Variants in PHF21B observed in about 807,000 individuals in gnomAD.
PHF21B encodes PHD finger protein 21B, also known as PHD finger protein 4.
PHF21B carries 22 observed loss-of-function variants against 62.2 expected under a neutral mutation model. The ratio of observed to expected loss-of-function variants is 0.35; its 90% CI spans 0.25 to 0.51. The LOEUF (loss-of-function observed/expected upper bound fraction) is 0.51. PHF21B is among the 20% of genes least tolerant of loss of function. The pLI is 0.97. For missense variants in PHF21B, 701 were observed against 707.9 expected (o/e 0.99, Z 0.11); for synonymous variants, 341 against 314.7 (o/e 1.08, Z -0.88).
Position 45,008,520 on chromosome 22 carries a change from G to C in PHF21B, c.120+25C>G, listed in dbSNP as rs374235929. 12 of 1,540,992 alleles carry C rather than the reference G, an allele frequency of 7.8e-6. No individual in the cohort carries two copies. In the Admixed American group the frequency reaches 9.8e-5, roughly 13 times the overall value. ...CAGCCACCCTCCCGCCCCATCCCAG[G>C]GGGGGCCGCGATCCCATCGCTTACT... On this transcript the variant is annotated intron_variant, in intron 2 of 12. Transcript: ENST00000313237.
In PHF21B at chr22:44,976,191, A is replaced by T. The variant is rs1460528512; in HGVS notation, c.120+32354T>A. Among the ~76,000 whole-genome samples, 6 of 152,222 alleles carry T rather than the reference A, an allele frequency of 3.9e-5. No homozygotes were observed. In the East Asian group the frequency reaches 9.6e-4, roughly 24 times the overall value. ...GTCTCAAGAAAACATTTTGTTTTTA[A>T]TTGACACATAACTACATATTCATGG... is the stretch of plus-strand genomic sequence containing the variant. On this transcript the variant is annotated intron_variant, in intron 2 of 12. Coordinates refer to ENST00000313237, the MANE Select transcript of PHF21B (RefSeq NM_138415.5).
intron 2 of PHF21B, among the ~76,000 whole-genome samples, chr22:44,952,251 G>A (rs1038617754): frequency 1.3e-5 from 2 of 152,218 alleles, no homozygotes; most frequent in Admixed American, 6.5e-5. Context: ...GCTGAGGCAG[G>A]AGAATCGCTT....
chr22:45,001,022 A>T (rs2147528881), intron 2 of PHF21B: 2 of 152,348 alleles, frequency 1.3e-5, no homozygotes, highest in East Asian at 3.9e-4. Context: ...AAGGTTGCTC[A>T]GCCAAGACAC....
intron 2 of PHF21B, among the ~76,000 whole-genome samples, chr22:44,964,757 T>C (rs1022858121): frequency 6.6e-6 from 1 of 152,184 alleles, no homozygotes; most frequent in Non-Finnish European, 1.5e-5. Context: ...TAAAAGCCTC[T>C]TTTTTTCCAT....
chr22:44,948,800 C>T (rs1039126279), intron 2 of PHF21B, among the ~76,000 whole-genome samples: 13 of 152,172 alleles, frequency 8.5e-5, no homozygotes, highest in African/African-American at 3.1e-4. Context: ...GGATATTCCA[C>T]TTTGACTTTT....
chr22:45,009,736 G>C lies in PHF21B; in HGVS notation c.-187C>G. Reference sequence around the variant, plus strand: ...CGAAGGGGAAGACAGGCTTCCGGGCGCCGCGGCGCCGAGCCCTCGGCTGCC... The same window carrying C: ...CGAAGGGGAAGACAGGCTTCCGGGCCCCGCGGCGCCGAGCCCTCGGCTGCC... On this transcript the variant is annotated 5_prime_UTR_variant, in exon 1 of 13. Coordinates refer to ENST00000313237, the MANE Select transcript of PHF21B (RefSeq NM_138415.5). This position sits in a 1 kb window ranked among gnomAD's most constrained non-coding sequence, Gnocchi z 5.9. 1 of 490,086 alleles carries C rather than the reference G, an allele frequency of 2.0e-6. No homozygotes were observed. Among genetic ancestry groups the C allele is most frequent in the South Asian group, 3.1e-5 (1 of 32,704 alleles). 30.4% of individuals were successfully genotyped at this position (490,086 alleles called of 1,614,324 possible).
At chr22:44,889,803 G>A (rs534212094) in intron 8 of PHF21B, 21 bp from the exon 9 acceptor site, 39 of 1,547,652 alleles carry the variant, frequency 2.5e-5, no homozygotes, top group African/African-American at 1.1e-4. Context: ...GAAGAAGGGC[G>A]GAGAACACGT....
chr22:44,966,587 G>C (rs2147435139), intron 2 of PHF21B, among the ~76,000 whole-genome samples: 1 of 152,226 alleles, frequency 6.6e-6, no homozygotes, highest in South Asian at 2.1e-4. Context: ...GCGGTGAAGG[G>C]AGCCAGAAGT....
At chr22:44,958,570 C>T (rs376038582) in intron 2 of PHF21B, among the ~76,000 whole-genome samples, 4 of 150,982 alleles carry the variant, frequency 2.6e-5, no homozygotes, top group Admixed American at 2.6e-4. Flanking sequence ...GAGAGATCTC[C>T]TCAGCTTCAT....
At chr22:44,955,905 C>T (rs1015088690) in intron 2 of PHF21B, among the ~76,000 whole-genome samples, 2 of 152,230 alleles carry the variant, frequency 1.3e-5, no homozygotes, top group Admixed American at 1.3e-4. Flanking sequence ...CTCAAAGACG[C>T]TTCCGTCATA....
intron 2 of PHF21B, among the ~76,000 whole-genome samples, chr22:44,980,610 G>A (rs2072823210): frequency 6.6e-6 from 1 of 152,208 alleles, no homozygotes; most frequent in Admixed American, 6.5e-5. Context: ...TGCCATCAGA[G>A]GCAAATTCAG....
Position 44,995,054 on chromosome 22 carries a change from A to G in PHF21B, c.120+13491T>C, listed in dbSNP as rs1331988356. 3.3e-5 allele frequency among the ~76,000 whole-genome samples: 5 copies of G among 152,198 alleles called. No homozygotes were observed. The South Asian group carries it at 6.2e-4, about 19-fold the overall frequency. On this transcript the variant is annotated intron_variant, in intron 2 of 12. Coordinates refer to ENST00000313237, the MANE Select transcript of PHF21B (RefSeq NM_138415.5). ...GCTGTGTTTGCCTTTTTCATCAACT[A>G]AACAAAGCAGCAGAGGTGCAAACAC... is the stretch of plus-strand genomic sequence containing the variant.
chr22:44,900,290 C>T (rs1468179316), intron 5 of PHF21B, among the ~76,000 whole-genome samples: 2 of 152,156 alleles, frequency 1.3e-5, no homozygotes, highest in African/African-American at 2.4e-5. Flanking sequence ...TCATAAATGG[C>T]TCATGGAACA....
chr22:44,932,188 T>A (rs1359302783), intron 2 of PHF21B, among the ~76,000 whole-genome samples: 1 of 152,138 alleles, frequency 6.6e-6, no homozygotes, highest in Non-Finnish European at 1.5e-5. Context: ...CAAAATCTGT[T>A]CTTTAAGAGG....
chr22:44,978,548 A>G (rs529310596), intron 2 of PHF21B, among the ~76,000 whole-genome samples: 4 of 152,290 alleles, frequency 2.6e-5, no homozygotes, highest in African/African-American at 9.6e-5. Flanking sequence ...TCATAGAGAC[A>G]GGGTTTCTCC....
At chr22:44,933,436 A>C in intron 2 of PHF21B, 1 of 984,484 alleles carries the variant, frequency 1.0e-6, no homozygotes, top group Non-Finnish European at 1.2e-6. Flanking sequence ...AGCCATTGGC[A>C]CTGACTAAAC....
chr22:44,985,031 G>C (rs2072921095), intron 2 of PHF21B, among the ~76,000 whole-genome samples: 1 of 152,154 alleles, frequency 6.6e-6, no homozygotes, highest in Non-Finnish European at 1.5e-5. Context: ...ACTCTGCAGG[G>C]GGTTGTCAGC....
At chr22:44,998,526 T>C (rs944582376) in intron 2 of PHF21B, among the ~76,000 whole-genome samples, 1 of 152,042 alleles carries the variant, frequency 6.6e-6, no homozygotes, top group Non-Finnish European at 1.5e-5. Context: ...GCCGAGGTGC[T>C]CCCCTTGGTT....
At chr22:44,985,008 T>G (rs1353007781) in intron 2 of PHF21B, among the ~76,000 whole-genome samples, 1 of 152,232 alleles carries the variant, frequency 6.6e-6, no homozygotes. Context: ...GTGGGTTTTC[T>G]GTTATCCTGT....
Sources: gnomAD v4.1 joint callset for allele counts (sites outside exome capture counted in the v4.1 genomes callset) on GRCh38, gnomAD v4.1.1 for gene constraint, Gnocchi (gnomAD v3.1) non-coding constraint, MANE v1.5 for transcripts, NCBI Gene and HGNC (gene_info 2026-07-23, HGNC 2026-07-21) for gene names.